The following MAPK14 variants were observed in gnomAD, a reference collection of about 807,000 sequenced individuals.
The protein encoded by MAPK14 is CSAID-binding protein.
In MAPK14, 16 loss-of-function variants were observed where a neutral mutation model predicts 49.6. The observed-to-expected ratio is 0.32, with a 90% CI of 0.22 to 0.49. The LOEUF (loss-of-function observed/expected upper bound fraction) is 0.49. Ranked by LOEUF, MAPK14 falls within the 20% of genes least tolerant of loss-of-function variation. The pLI is 0.99. For synonymous variants in MAPK14, 142 were observed against 158.0 expected (o/e 0.90, Z 0.76); for missense variants, 200 against 441.2 (o/e 0.45, Z 4.90).
At chr6:36,032,805 C>T (rs1031308526) in intron 1 of MAPK14, among the ~76,000 whole-genome samples, 1 of 152,182 alleles carries the variant, frequency 6.6e-6, no homozygotes, top group Non-Finnish European at 1.5e-5. Context: ...TTGTGCTGTG[C>T]ACTTTATCAT....
intron 1 of MAPK14, among the ~76,000 whole-genome samples, chr6:36,032,001 C>T (rs1008832111): frequency 1.3e-5 from 2 of 152,040 alleles, no homozygotes; most frequent in Admixed American, 1.3e-4. Context: ...AGGTTGGTCT[C>T]AAACTCCTGG....
At chr6:36,050,796 G>T (rs1189210254) in intron 1 of MAPK14, among the ~76,000 whole-genome samples, 1 of 152,182 alleles carries the variant, frequency 6.6e-6, no homozygotes, top group East Asian at 1.9e-4. Context: ...ATTAGAGAAT[G>T]CTTTCTAATG....
At chr6:36,094,332 A>G (rs1302672320) in intron 8 of MAPK14, among the ~76,000 whole-genome samples, 1 of 152,170 alleles carries the variant, frequency 6.6e-6, no homozygotes, top group African/African-American at 2.4e-5. Context: ...CAGGTAGTTA[A>G]TATTTTAGGC....
downstream of MAPK14, among the ~76,000 whole-genome samples, chr6:36,115,427 C>G (rs1315048996): frequency 2.0e-5 from 3 of 152,142 alleles, no homozygotes; most frequent in Admixed American, 6.5e-5. Flanking sequence ...ATAATTCACA[C>G]AATTTCAAAG....
chr6:36,045,338 G>A (rs570344350), intron 1 of MAPK14, among the ~76,000 whole-genome samples: 24 of 152,238 alleles, frequency 1.6e-4, no homozygotes, highest in African/African-American at 2.4e-4. Context: ...GACACAGAAT[G>A]AACTTTTCCC....
intron 10 of MAPK14, among the ~76,000 whole-genome samples, chr6:36,105,439 C>T (rs1765770885): frequency 6.6e-6 from 1 of 152,108 alleles, no homozygotes; most frequent in South Asian, 2.1e-4. Context: ...GTTCTTGCCC[C>T]TGACCTTATT....
chr6:36,083,402 T>C (rs898873901), intron 8 of MAPK14, among the ~76,000 whole-genome samples: 1 of 152,196 alleles, frequency 6.6e-6, no homozygotes, highest in African/African-American at 2.4e-5. Flanking sequence ...AGCACAGAGC[T>C]GTGTAGGTTC....
chr6:36,069,734 A>C (rs748182690), intron 3 of MAPK14, among the ~76,000 whole-genome samples: 1 of 152,036 alleles, frequency 6.6e-6, no homozygotes, highest in Non-Finnish European at 1.5e-5. Flanking sequence ...CTCTGTTGCC[A>C]TGCAGTCAGT....
At chr6:36,066,615 CAG>C (rs985275918) in intron 3 of MAPK14, among the ~76,000 whole-genome samples, 1 of 151,956 alleles carries the variant, frequency 6.6e-6, no homozygotes, top group African/African-American at 2.4e-5. Flanking sequence ...TTATTCCAGA[CAG>C]AGAATGAAGG....
chr6:36,067,365 T>TCTA (rs1422244045), intron 3 of MAPK14, among the ~76,000 whole-genome samples: 2 of 152,176 alleles, frequency 1.3e-5, no homozygotes, highest in African/African-American at 4.8e-5. Context: ...TATATATTCA[T>TCTA]ATATGCCTTC....
At chr6:36,039,621 G>A (rs1018139099) in intron 1 of MAPK14, among the ~76,000 whole-genome samples, 1 of 152,034 alleles carries the variant, frequency 6.6e-6, no homozygotes, top group East Asian at 1.9e-4. Flanking sequence ...CTTTGTTTTC[G>A]TAAGTTCATT....
chr6:36,031,074 G>A (rs1762523578), intron 1 of MAPK14, among the ~76,000 whole-genome samples: 1 of 152,226 alleles, frequency 6.6e-6, no homozygotes, highest in African/African-American at 2.4e-5. Context: ...GAGTGCAGTG[G>A]TGCCATCTTG....
the MAPK14 span, among the ~76,000 whole-genome samples, chr6:36,124,150 C>CCCTTCCTTCCTTCCTT: frequency 0.036 from 1,050 of 28,844 alleles, 47 homozygotes; most frequent in East Asian, 0.11. Flanking sequence ...CTCCCTCCCT[C>CCCTTCCTTCCTTCCTT]CCTTCCTTCC....
chr6:36,063,579 A>G (rs540749278), intron 3 of MAPK14, among the ~76,000 whole-genome samples: 2 of 152,294 alleles, frequency 1.3e-5, no homozygotes, highest in East Asian at 1.9e-4. Context: ...ACAGAGTGAT[A>G]TATGTGGTCC....
At chr6:36,036,060 GA>G (rs769268277) in intron 1 of MAPK14, among the ~76,000 whole-genome samples, 1 of 151,968 alleles carries the variant, frequency 6.6e-6, no homozygotes, top group Non-Finnish European at 1.5e-5. Flanking sequence ...TCTGCCTCTA[GA>G]AAAAATACAA....
intron 8 of MAPK14, among the ~76,000 whole-genome samples, chr6:36,091,697 ACTTC>A (rs772722926): frequency 2.0e-4 from 31 of 152,148 alleles, no homozygotes; most frequent in Non-Finnish European, 2.9e-5. Context: ...GCATGTTTTA[ACTTC>A]CTTCATGCAA....
intron 2 of MAPK14, 24 bp downstream of exon 2, chr6:36,052,852 A>G: frequency 6.3e-7 from 1 of 1,590,276 alleles, no homozygotes; most frequent in Middle Eastern, 1.7e-4. Flanking sequence ...TCAAGGAAGA[A>G]TACATTTTGA....
chr6:36,048,051 TA>T (rs1158537034), intron 1 of MAPK14, among the ~76,000 whole-genome samples: 2 of 150,146 alleles, frequency 1.3e-5, no homozygotes, highest in African/African-American at 4.9e-5. Flanking sequence ...TATTTATTAT[TA>T]TTTTTTTGAG....
At chr6:36,120,990 TGGTGAGAG>T in the MAPK14 span, among the ~76,000 whole-genome samples, 1 of 152,102 alleles carries the variant, frequency 6.6e-6, no homozygotes, top group Non-Finnish European at 1.5e-5. Context: ...CTAAGGGTGC[TGGTGAGAG>T]TGGCCTGGCA....
Sources: allele counts gnomAD v4.1 joint callset (sites outside exome capture counted in the v4.1 genomes callset), GRCh38; gene constraint gnomAD v4.1.1; transcripts MANE v1.5; gene names NCBI Gene and HGNC (gene_info 2026-07-23, HGNC 2026-07-21).